Variants in L1CAM observed in about 807,000 individuals in gnomAD.
L1CAM encodes the protein neural cell adhesion molecule L1.
In L1CAM, 8 loss-of-function variants were observed where a neutral mutation model predicts 93.0. The observed-to-expected ratio is 0.09, with a 90% CI of 0.05 to 0.16. The LOEUF is 0.16. Ranked by LOEUF, L1CAM falls within the 10% of genes least tolerant of loss-of-function variation. The probability of loss-of-function intolerance (pLI) is 1.00; values close to 1 mark genes in which losing one functional copy is unlikely to be tolerated. For missense variants in L1CAM, 777 were observed against 1,073.4 expected (o/e 0.72, Z 3.86); for synonymous variants, 453 against 453.0 (o/e 1.00, Z 0.00).
chrX:153,865,981 T>G (rs2064709399), intron 19 of L1CAM, 162 bp from the exon 20 acceptor site: 1 of 455,337 alleles, frequency 2.2e-6, no homozygotes, highest in East Asian at 3.7e-5. Flanking sequence ...CTTCCTGGAC[T>G]GCTTATTAGT....
At chrX:153,871,877 G>A (rs868974167) in intron 5 of L1CAM, among the ~76,000 whole-genome samples, 138 of 5,836 alleles carry the variant, frequency 0.024, 2 homozygotes, top group Middle Eastern at 0.056. Context: ...CCCTCCCCCC[G>A]CCACCTTCCT....
chrX:153,885,782 GC>G (rs1208089800), intron 1 of L1CAM: 3 of 786,571 alleles, frequency 3.8e-6, no homozygotes, highest in African/African-American at 2.5e-5. Context: ...CCTGCCTGAC[GC>G]CCCCCGCCCT....
At chrX:153,872,802 G>A in intron 3 of L1CAM, 105 bp from the exon 4 acceptor site, 1 of 652,176 alleles carries the variant, frequency 1.5e-6, no homozygotes. Context: ...AGCCCCTGGA[G>A]GCCCCATGGC....
intron 1 of L1CAM, among the ~76,000 whole-genome samples, chrX:153,884,810 G>A (rs782381772): frequency 7.1e-5 from 8 of 112,974 alleles, no homozygotes; most frequent in African/African-American, 1.3e-4. Flanking sequence ...GGAGGCCCCC[G>A]CCCCAGAAAG....
At chrX:153,873,960 G>C (rs2064794294) in intron 2 of L1CAM, among the ~76,000 whole-genome samples, 1 of 112,521 alleles carries the variant, frequency 8.9e-6, no homozygotes, top group African/African-American at 3.2e-5. Context: ...GGAGCAGCAG[G>C]CTGCCTCTGA....
intron 1 of L1CAM, chrX:153,880,674 C>T (rs1238367138): frequency 5.9e-6 from 2 of 339,132 alleles, no homozygotes; most frequent in African/African-American, 5.3e-5. Flanking sequence ...GCTCCCCAGG[C>T]CGTGGCTGGC....
chrX:153,871,286 G>C (rs782274291), intron 5 of L1CAM, 107 bp from the exon 6 acceptor site: 12 of 703,113 alleles, frequency 1.7e-5, no homozygotes, highest in Non-Finnish European at 2.0e-5. Context: ...GGATGGACGA[G>C]GGGGCGAGAG....
intron 23 of L1CAM, 41 bp from the exon 24 acceptor site, chrX:153,864,745 C>T: frequency 2.5e-6 from 3 of 1,211,929 alleles, no homozygotes; most frequent in South Asian, 1.8e-5. Flanking sequence ...TGGCAGCTGC[C>T]AGGAAGTCTA....
intron 1 of L1CAM, among the ~76,000 whole-genome samples, chrX:153,882,343 T>A (rs1297120669): frequency 9.0e-6 from 1 of 110,648 alleles, no homozygotes; most frequent in Non-Finnish European, 1.9e-5. Flanking sequence ...TCTGTCCCCA[T>A]CCAGCCACTG....
Position 153,886,123 on chromosome X carries a change from C to T in L1CAM, c.-167G>A, listed in dbSNP as rs1179640337. ...AGCCTCCGCGCACGCCGGCCTCGGA[C>T]CCGCCGCCCGAGCGCGTCTGCGATG... On this transcript the variant is annotated 5_prime_UTR_variant, in exon 1 of 29. Coordinates refer to ENST00000370060, the MANE Select transcript of L1CAM (RefSeq NM_001278116.2). The T allele has an allele frequency of 6.8e-5, 9 of 132,050 alleles. No individual in the cohort carries two copies. The highest frequency in any genetic ancestry group is 1.1e-4 in the Non-Finnish European group (8 of 72,514). 10.9% of individuals were successfully genotyped at this position (132,050 alleles called of 1,213,427 possible).
chrX:153,869,450 C>G (rs1327302379), intron 11 of L1CAM, 70 bp downstream of exon 11: 32 of 1,157,948 alleles, frequency 2.8e-5, no homozygotes, highest in African/African-American at 1.4e-4. Context: ...CTGAGCCACT[C>G]TGGTGGCCTG....
At position 153,872,621 on chromosome X, in the gene L1CAM, C is replaced by T. The variant is rs2064781924; in HGVS notation, c.168G>A (p.Lys56=). 1 of 1,209,756 alleles carries T rather than the reference C, an allele frequency of 8.3e-7. No homozygotes were observed. The highest frequency in any genetic ancestry group is 1.1e-6 in the Non-Finnish European group (1 of 893,665). The stretch of plus-strand genomic sequence containing the variant: ...CTTCGGGCTTGCCACTGGCCTCACA[C>T]TTGAGGCTGATGTCATCTGTGGGGA... ...VVFPTDDISL[K]CEASGKPEVQ... The change falls in exon 4 of 29, where the codon AAG becomes AAA. Residue 56 remains lysine, a synonymous_variant. Transcript: ENST00000370060.
intron 1 of L1CAM, chrX:153,880,702 C>T (rs1379245401): frequency 5.9e-6 from 2 of 336,776 alleles, no homozygotes; most frequent in Admixed American, 6.4e-5. Flanking sequence ...TATGGTGATG[C>T]AGCCCAAGTC....
intron 1 of L1CAM, among the ~76,000 whole-genome samples, chrX:153,879,998 C>T (rs1024976543): frequency 4.0e-4 from 45 of 111,754 alleles, no homozygotes; most frequent in African/African-American, 1.4e-3. Flanking sequence ...CCATCCTCCC[C>T]GGTGGGAAAG....
intron 1 of L1CAM, chrX:153,885,853 G>T (rs1269417468): frequency 6.0e-6 from 5 of 827,307 alleles, no homozygotes; most frequent in Non-Finnish European, 7.5e-6. Context: ...TGTCGGGCTC[G>T]GGCACCCGGC....
In L1CAM at chrX:153,865,697, C is replaced by A. The variant is rs1557090679; in HGVS notation, c.2547+7G>T. 1 of 1,182,291 alleles carries A rather than the reference C, an allele frequency of 8.5e-7. No homozygotes were observed. The highest frequency in any genetic ancestry group is 1.8e-5 in the African/African-American group (1 of 56,843). On this transcript the variant is annotated splice_region_variant and intron_variant, in intron 20 of 28. Coordinates refer to ENST00000370060, the MANE Select transcript of L1CAM (RefSeq NM_001278116.2). ...CCCTCCTGGGCCCCCATGCCTTCAACCCTTACATTGTATCCGCGGAGGTGG... is the reference window on the plus strand; with the variant it reads ...CCCTCCTGGGCCCCCATGCCTTCAAACCTTACATTGTATCCGCGGAGGTGG...
rs781928767 is a variant in L1CAM, at chrX:153,870,252, G to A, written c.807-12C>T. On this transcript the variant is annotated splice_polypyrimidine_tract_variant and intron_variant, in intron 8 of 28. Transcript: ENST00000370060. Reference sequence around the variant, plus strand: ...TGGTGGGCGTGGGACTGCCCGGGAGGCAAAGGGAAGAGAGCAGAAGGGAGA... The same window carrying A: ...TGGTGGGCGTGGGACTGCCCGGGAGACAAAGGGAAGAGAGCAGAAGGGAGA... 2 of 1,208,235 alleles carry A rather than the reference G, an allele frequency of 1.7e-6. No individual in the cohort carries two copies. Among genetic ancestry groups the A allele is most frequent in the Non-Finnish European group, 1.1e-6 (1 of 892,583 alleles).
chrX:153,865,712 C>T lies in L1CAM; in HGVS notation c.2539G>A (p.Gly847Arg), dbSNP rs2148494337. The T allele has an allele frequency of 8.3e-7, 1 of 1,199,582 alleles. No individual in the cohort carries two copies. The highest frequency in any genetic ancestry group is 1.1e-6 in the Non-Finnish European group (1 of 884,272). The part of the protein sequence containing the change: ...DLAQVKGHLR[G>R]YNVTYWREGS... ...ATGCCTTCAACCCTTACATTGTATC[C>T]GCGGAGGTGGCCCTTGACCTGGGCC... is the stretch of plus-strand genomic sequence containing the variant. The change falls in exon 20 of 29, where the codon GGA becomes AGA. Residue 847 changes from glycine to arginine, a missense_variant. By Grantham distance (125) the Gly-to-Arg change is moderately radical. Coordinates refer to ENST00000370060, the MANE Select transcript of L1CAM (RefSeq NM_001278116.2).
chrX:153,870,008 C>T lies in L1CAM; in HGVS notation c.991+48G>A, dbSNP rs782209344. The T allele has an allele frequency of 1.7e-5, 21 of 1,207,862 alleles. No individual in the cohort carries two copies. In the Admixed American group the frequency reaches 4.4e-4, roughly 25 times the overall value. On this transcript the variant is annotated intron_variant, in intron 9 of 28. Transcript: ENST00000370060. ...CTTGACCCGGCGCAGACCCTCCCCT[C>T]CCCCATGACAGTGGGCATCACAGGC...
Sources: gnomAD v4.1 joint callset for allele counts (sites outside exome capture counted in the v4.1 genomes callset) on GRCh38, gnomAD v4.1.1 for gene constraint, MANE v1.5 for transcripts, NCBI Gene and HGNC (gene_info 2026-07-23, HGNC 2026-07-21) for gene names.